Variants in SLC13A2 observed in about 807,000 individuals in gnomAD.
SLC13A2 encodes solute carrier family 13 member 2, also known as Na(+)-coupled citrate transporter.
A neutral mutation model predicts 58.5 loss-of-function variants in SLC13A2; 40 were observed. That is an observed-to-expected ratio of 0.68 (90% CI 0.53 to 0.89). The LOEUF (loss-of-function observed/expected upper bound fraction) is 0.89. Among genes scored for constraint, SLC13A2 ranks in the 40% least tolerant of loss-of-function variants. The probability of loss-of-function intolerance (pLI) is 0.00; values close to 1 mark genes in which losing one functional copy is unlikely to be tolerated. For missense variants in SLC13A2, 694 were observed against 772.6 expected (o/e 0.90, Z 1.21); for synonymous variants, 341 against 331.6 (o/e 1.03, Z -0.31).
intron 1 of SLC13A2, among the ~76,000 whole-genome samples, chr17:28,486,153 G>A (rs782454615): frequency 6.6e-5 from 10 of 152,132 alleles, no homozygotes; most frequent in Non-Finnish European, 1.3e-4. Context: ...AGTACATTAG[G>A]TAAGATCTAA....
At chr17:28,478,873 T>C (rs1270465683) in intron 1 of SLC13A2, among the ~76,000 whole-genome samples, 2 of 151,920 alleles carry the variant, frequency 1.3e-5, no homozygotes, top group Non-Finnish European at 2.9e-5. Context: ...TGGGGAGACA[T>C]ACAAAAAGCA....
chr17:28,490,675 C>T (rs1204799662), intron 3 of SLC13A2, 26 bp from the exon 4 acceptor site: 5 of 1,600,862 alleles, frequency 3.1e-6, no homozygotes, highest in African/African-American at 2.7e-5. Flanking sequence ...GCTGGAACAG[C>T]AGTGTGTCTG....
At chr17:28,484,108 C>T (rs2068835663) in intron 1 of SLC13A2, among the ~76,000 whole-genome samples, 2 of 152,200 alleles carry the variant, frequency 1.3e-5, no homozygotes, top group South Asian at 2.1e-4. Flanking sequence ...CCAGGCACCT[C>T]GCTGGGGTGA....
chr17:28,486,113 G>A (rs1310571441), intron 1 of SLC13A2, among the ~76,000 whole-genome samples: 2 of 152,140 alleles, frequency 1.3e-5, no homozygotes, highest in African/African-American at 4.8e-5. Flanking sequence ...AAAATAAATT[G>A]CAGCTCAGAA....
chr17:28,476,209 G>A (rs1334022156), intron 1 of SLC13A2, among the ~76,000 whole-genome samples: 4 of 152,104 alleles, frequency 2.6e-5, no homozygotes, highest in African/African-American at 9.7e-5. Flanking sequence ...TACTCTGAAT[G>A]GAGTCACTCC....
At chr17:28,491,018 G>A in intron 4 of SLC13A2, 112 bp downstream of exon 4, 1 of 1,060,902 alleles carries the variant, frequency 9.4e-7, no homozygotes, top group Non-Finnish European at 1.3e-6. Flanking sequence ...AGAGAAGAAA[G>A]AGATGCAAGA....
In SLC13A2 at chr17:28,496,675, TGA is replaced by T; in HGVS notation, c.1608+92_1608+93del. 1 of 1,518,554 alleles carries T rather than the reference TGA, an allele frequency of 6.6e-7. No individual in the cohort carries two copies. Among genetic ancestry groups the T allele is most frequent in the Non-Finnish European group, 8.9e-7 (1 of 1,124,820 alleles). 94.1% of individuals were successfully genotyped at this position (1,518,554 alleles called of 1,614,324 possible). On this transcript the variant is annotated intron_variant, in intron 11 of 11. Coordinates refer to ENST00000314669, the MANE Select transcript of SLC13A2 (RefSeq NM_003984.4). The surrounding 1 kb of genome is among the most constrained non-coding windows in gnomAD (Gnocchi z 4.2). ...GAACCACAAAGCAGCTTAAAGCCAC[TGA>T]GAGTCTCAGAGTTGAGCGGGTCCTC...
chr17:28,493,507 T>G, intron 6 of SLC13A2, 64 bp from the exon 7 acceptor site: 1 of 1,402,258 alleles, frequency 7.1e-7, no homozygotes, highest in South Asian at 1.4e-5. Flanking sequence ...TGGTAGGCAC[T>G]CAGAGCCCCT....
intron 6 of SLC13A2, among the ~76,000 whole-genome samples, chr17:28,492,514 C>G (rs963211150): frequency 2.0e-5 from 3 of 152,192 alleles, no homozygotes; most frequent in South Asian, 4.1e-4. Context: ...AGAGGCAAGA[C>G]AAGACGTGTT....
At position 28,494,384 on chromosome 17, in the gene SLC13A2, G is replaced by A. The variant is rs1555604214; in HGVS notation, c.1187-7G>A. 1 of 1,614,074 alleles carries A rather than the reference G, an allele frequency of 6.2e-7. No individual in the cohort carries two copies. The highest frequency in any genetic ancestry group is 8.5e-7 in the Non-Finnish European group (1 of 1,180,042). On this transcript the variant is annotated splice_polypyrimidine_tract_variant and splice_region_variant and intron_variant, in intron 8 of 11. Coordinates refer to ENST00000314669, the MANE Select transcript of SLC13A2 (RefSeq NM_003984.4). This position sits in a 1 kb window ranked among gnomAD's most constrained non-coding sequence, Gnocchi z 4.0. The stretch of plus-strand genomic sequence containing the variant: ...TGGTGACCCATCCTTCTCTGCTTGG[G>A]AAGTAGAAAACCCAGGGAAGCTGAA...
chr17:28,489,639 C>G (rs2068962502), intron 2 of SLC13A2, among the ~76,000 whole-genome samples: 1 of 152,218 alleles, frequency 6.6e-6, no homozygotes, highest in Admixed American at 6.5e-5. Context: ...CACTCATATA[C>G]TTCTAGTTCA....
chr17:28,491,501 G>A lies in SLC13A2; in HGVS notation c.639G>A (p.Lys213=), dbSNP rs782312506. 6 of 1,613,782 alleles carry A rather than the reference G, an allele frequency of 3.7e-6. No homozygotes were observed. The Admixed American group carries it at 5.0e-5, about 13-fold the overall frequency. Reference sequence around the variant, plus strand: ...AGGGGAGGGCACATCTCAGCCAGAAGCATCTCCACCTCACCCAGTGCATGA... The same window carrying A: ...AGGGGAGGGCACATCTCAGCCAGAAACATCTCCACCTCACCCAGTGCATGA... The part of the protein sequence containing the change: ...SSEGRAHLSQ[K]HLHLTQCMSL... Residue 213 remains lysine, a synonymous_variant, in exon 5 of 12, where the codon AAG becomes AAA. Transcript: ENST00000314669.
chr17:28,493,939 T>A, intron 7 of SLC13A2, 78 bp from the exon 8 acceptor site: 1 of 1,495,490 alleles, frequency 6.7e-7, no homozygotes, highest in Non-Finnish European at 9.3e-7. Context: ...GAGGCTCATC[T>A]CCACCACCCT....
chr17:28,491,669 G>A (rs1567856590), intron 5 of SLC13A2, 52 bp downstream of exon 5: 3 of 1,608,366 alleles, frequency 1.9e-6, no homozygotes, highest in Non-Finnish European at 1.7e-6. Context: ...TCACTGGGAG[G>A]TGAATGGGGC....
chr17:28,477,052 C>T (rs1416766287), intron 1 of SLC13A2, among the ~76,000 whole-genome samples: 15 of 151,802 alleles, frequency 9.9e-5, no homozygotes, highest in East Asian at 9.8e-4. Context: ...CCCAGCTACT[C>T]GGGAGGCTGA....
chr17:28,485,599 G>A (rs1555601837), intron 1 of SLC13A2, among the ~76,000 whole-genome samples: 1 of 152,152 alleles, frequency 6.6e-6, no homozygotes, highest in African/African-American at 2.4e-5. Context: ...CAGCTCCTCA[G>A]TCTCAAACCC....
chr17:28,473,645 C>A lies in SLC13A2; in HGVS notation c.-68C>A. The A allele has an allele frequency of 8.6e-7, 1 of 1,167,126 alleles. No homozygotes were observed. The highest frequency in any genetic ancestry group is 1.3e-6 in the Non-Finnish European group (1 of 791,324). 72.3% of individuals were successfully genotyped at this position (1,167,126 alleles called of 1,614,324 possible). On this transcript the variant is annotated 5_prime_UTR_variant, in exon 1 of 12. Transcript: ENST00000314669. ...AGCCTGCCACCTGCCTGCTTGGCTGCATCTTTGGTCCTTCTGTTACCCAGC... is the reference window on the plus strand; with the variant it reads ...AGCCTGCCACCTGCCTGCTTGGCTGAATCTTTGGTCCTTCTGTTACCCAGC...
Position 28,494,662 on chromosome 17 carries a change from A to C in SLC13A2, c.1308+150A>C. The C allele has an allele frequency of 8.6e-7, 1 of 1,160,364 alleles. No homozygotes were observed. The allele number at this position is 1,160,364 out of a possible 1,614,324, so 71.9% of individuals were successfully genotyped here. A position where few individuals can be genotyped will look rare whatever the true frequency, so the allele number is the denominator to read the frequency against. ...CAGAGCCTTTGCAGCAGCTGGGAAG[A>C]CTTAGGTTAGAGCCCTCATGTGGGA... On this transcript the variant is annotated intron_variant, in intron 9 of 11. Coordinates refer to ENST00000314669, the MANE Select transcript of SLC13A2 (RefSeq NM_003984.4). This position sits in a 1 kb window ranked among gnomAD's most constrained non-coding sequence, Gnocchi z 4.0.
chr17:28,485,020 A>G (rs989176121), intron 1 of SLC13A2, among the ~76,000 whole-genome samples: 4 of 152,324 alleles, frequency 2.6e-5, no homozygotes, highest in Middle Eastern at 3.4e-3. Context: ...AGGCTAGATC[A>G]TAGAGGAGAA....
Sources: gnomAD v4.1 joint callset for allele counts (sites outside exome capture counted in the v4.1 genomes callset) on GRCh38, gnomAD v4.1.1 for gene constraint, Gnocchi (gnomAD v3.1) non-coding constraint, MANE v1.5 for transcripts, NCBI Gene and HGNC (gene_info 2026-07-23, HGNC 2026-07-21) for gene names.